KIAA1549L: variants seen among roughly 807,000 people sequenced by gnomAD.
The protein encoded by KIAA1549L is KIAA1549 like.
Under a neutral mutation model 160.7 loss-of-function variants are expected in KIAA1549L, and 88 were observed. That is an observed-to-expected ratio of 0.55 (90% confidence interval 0.46 to 0.65). KIAA1549L has a LOEUF of 0.65. Ranked by LOEUF, KIAA1549L falls within the 30% of genes least tolerant of loss-of-function variation. KIAA1549L has a pLI of 0.00. For missense variants in KIAA1549L, 2,258 were observed against 2,437.5 expected (o/e 0.93, Z 1.55); for synonymous variants, 950 against 976.7 (o/e 0.97, Z 0.51).
intron 8 of KIAA1549L, among the ~76,000 whole-genome samples, chr11:33,563,504 C>T (rs79415162): frequency 0.018 from 2,808 of 152,178 alleles, 79 homozygotes; most frequent in African/African-American, 0.062. Flanking sequence ...CTCTCACTTG[C>T]GGTCCCAAGC....
At chr11:33,434,262 C>G (rs368941818) in intron 1 of KIAA1549L, among the ~76,000 whole-genome samples, 2 of 152,206 alleles carry the variant, frequency 1.3e-5, no homozygotes, top group East Asian at 3.9e-4. Context: ...CTCATGAGAT[C>G]TGATGGTTTT....
chr11:33,415,778 C>T (rs1439892706), intron 1 of KIAA1549L, among the ~76,000 whole-genome samples: 1 of 152,124 alleles, frequency 6.6e-6, no homozygotes, highest in Non-Finnish European at 1.5e-5. Context: ...AGCCAGCAAA[C>T]ACTGATGACT....
chr11:33,554,784 A>G (rs528168491), intron 6 of KIAA1549L, among the ~76,000 whole-genome samples: 3 of 152,318 alleles, frequency 2.0e-5, no homozygotes, highest in Admixed American at 2.0e-4. Context: ...AAGAGGAGAA[A>G]TGGTTCCCTG....
Position 33,542,446 on chromosome 11 carries a change from T to G in KIAA1549L, c.883T>G (p.Ser295Ala), listed in dbSNP as rs561566116. The G allele has an allele frequency of 3.7e-6, 6 of 1,604,400 alleles. No homozygotes were observed. In the Admixed American group the frequency reaches 1.0e-4, roughly 27 times the overall value. Reference protein sequence around the residue: ...QNIANPLIPFSDEMDHTASQN... With the variant: ...QNIANPLIPFADEMDHTASQN... ...CATAGCTAATCCCTTAATCCCATTTTCTGATGAAATGGACCACACTGCATC... is the reference window on the plus strand; with the variant it reads ...CATAGCTAATCCCTTAATCCCATTTGCTGATGAAATGGACCACACTGCATC... Residue 295 changes from serine (S) to alanine (A), a missense_variant, in exon 2 of 21, where the codon TCT (serine) becomes GCT (alanine). This residue lies in a region of KIAA1549L where 540 missense variants were observed against 465.7 expected (regional missense o/e 1.16). Coordinates refer to ENST00000658780, the MANE Select transcript of KIAA1549L (RefSeq NM_012194.3).
At chr11:33,579,475 TC>T (rs1256972452) in intron 10 of KIAA1549L, among the ~76,000 whole-genome samples, 1 of 152,188 alleles carries the variant, frequency 6.6e-6, no homozygotes, top group African/African-American at 2.4e-5. Flanking sequence ...TTATATGGGT[TC>T]TTCTCAACCT....
intron 16 of KIAA1549L, among the ~76,000 whole-genome samples, chr11:33,624,569 GA>G (rs1851044578): frequency 6.6e-6 from 1 of 151,670 alleles, no homozygotes; most frequent in African/African-American, 2.4e-5. Flanking sequence ...AGTCCTGAAA[GA>G]AAAAGGAAAA....
intron 1 of KIAA1549L, among the ~76,000 whole-genome samples, chr11:33,460,366 T>A (rs1446248548): frequency 1.3e-5 from 2 of 152,178 alleles, no homozygotes; most frequent in Non-Finnish European, 2.9e-5. Context: ...AATCCATCCC[T>A]ATGCAATAGT....
intron 1 of KIAA1549L, among the ~76,000 whole-genome samples, chr11:33,440,823 A>G (rs1359868775): frequency 1.6e-4 from 25 of 152,142 alleles, no homozygotes; most frequent in Admixed American, 1.6e-3. Flanking sequence ...CCATTTTTGG[A>G]TAGTGGATCC....
At position 33,652,714 on chromosome 11, in the gene KIAA1549L, G is replaced by C. The variant is rs182999184; in HGVS notation, c.5761-3298G>C. On this transcript the variant is annotated intron_variant, in intron 17 of 20. Transcript: ENST00000658780. Reference sequence around the variant, plus strand: ...CCTTTGTCTATTTTGGGAAAGAAGTGCCTCACTTGGTTTATTGATAGTCAT... The same window carrying C: ...CCTTTGTCTATTTTGGGAAAGAAGTCCCTCACTTGGTTTATTGATAGTCAT... Among the ~76,000 whole-genome samples the C allele has an allele frequency of 1.2e-3, 178 of 152,326 alleles. 1 individual carries two copies. The highest frequency in any genetic ancestry group is 2.0e-3 in the Non-Finnish European group (133 of 68,036).
chr11:33,528,884 G>A (rs992602682), intron 1 of KIAA1549L, among the ~76,000 whole-genome samples: 22 of 152,170 alleles, frequency 1.4e-4, no homozygotes, highest in Non-Finnish European at 4.4e-5. Context: ...TGTATACTGC[G>A]TGGTTGATGG....
intron 6 of KIAA1549L, among the ~76,000 whole-genome samples, chr11:33,557,118 G>T (rs1480280583): frequency 1.3e-5 from 2 of 152,078 alleles, no homozygotes; most frequent in East Asian, 3.9e-4. Context: ...CTCCCAAGCA[G>T]CTGGGACTAA....
At chr11:33,478,852 C>T (rs979097822) in intron 1 of KIAA1549L, among the ~76,000 whole-genome samples, 3 of 152,280 alleles carry the variant, frequency 2.0e-5, no homozygotes, top group South Asian at 2.1e-4. Flanking sequence ...AGGATGGTCT[C>T]GATCTCTTGA....
chr11:33,627,402 T>C (rs1372653806), intron 16 of KIAA1549L, among the ~76,000 whole-genome samples: 1 of 151,762 alleles, frequency 6.6e-6, no homozygotes, highest in Non-Finnish European at 1.5e-5. Flanking sequence ...TCTTTTTGGT[T>C]GGTAAGCTAT....
chr11:33,641,445 T>C (rs569778131), intron 16 of KIAA1549L, among the ~76,000 whole-genome samples: 45 of 151,970 alleles, frequency 3.0e-4, no homozygotes, highest in Non-Finnish European at 5.7e-4. Flanking sequence ...ATTTATACAT[T>C]GATGCTTTTC....
At chr11:33,439,363 G>A (rs1254632490) in intron 1 of KIAA1549L, among the ~76,000 whole-genome samples, 1 of 151,786 alleles carries the variant, frequency 6.6e-6, no homozygotes, top group East Asian at 1.9e-4. Context: ...GGTATTTGGG[G>A]GTATCTATCA....
intron 1 of KIAA1549L, among the ~76,000 whole-genome samples, chr11:33,476,251 A>G (rs1204866239): frequency 6.6e-6 from 1 of 152,228 alleles, no homozygotes. Flanking sequence ...CATGCTGATT[A>G]GGGAATAAGA....
intron 1 of KIAA1549L, among the ~76,000 whole-genome samples, chr11:33,441,425 G>T (rs1479397635): frequency 6.6e-6 from 1 of 151,786 alleles, no homozygotes; most frequent in African/African-American, 2.4e-5. Context: ...TAATCCTTTG[G>T]ATATATACCC....
At chr11:33,465,704 T>C (rs558171845) in intron 1 of KIAA1549L, among the ~76,000 whole-genome samples, 4 of 152,230 alleles carry the variant, frequency 2.6e-5, no homozygotes, top group South Asian at 2.1e-4. Flanking sequence ...TCTACAACCA[T>C]CGGATCTTCG....
Position 33,402,450 on chromosome 11 carries a change from G to C in KIAA1549L, c.238+25561G>C, listed in dbSNP as rs185344134. Among the ~76,000 whole-genome samples the C allele has an allele frequency of 2.0e-5, 3 of 152,206 alleles. No individual in the cohort carries two copies. The East Asian group carries it at 5.8e-4, about 29-fold the overall frequency. ...GCCTCCTATTTCTGGTCGCCTTGTG[G>C]TCCTTCTCCCTCTGTACTTTCGCCT... is the stretch of plus-strand genomic sequence containing the variant. On this transcript the variant is annotated intron_variant, in intron 1 of 20. Coordinates refer to ENST00000658780, the MANE Select transcript of KIAA1549L (RefSeq NM_012194.3).
Sources: allele counts gnomAD v4.1 joint callset (sites outside exome capture counted in the v4.1 genomes callset), GRCh38; gene constraint gnomAD v4.1.1; regional missense constraint gnomAD v4.1.1; transcripts MANE v1.5; gene names NCBI Gene and HGNC (gene_info 2026-07-23, HGNC 2026-07-21).